The following RSF1 variants were observed in gnomAD, a reference collection of about 807,000 sequenced individuals.
RSF1 encodes remodeling and spacing factor 1.
In RSF1, 13 loss-of-function variants were observed where a neutral mutation model predicts 145.2. The observed-to-expected ratio is 0.09, with a 90% CI of 0.06 to 0.14. The LOEUF is 0.14. Among genes scored for constraint, RSF1 ranks in the 10% least tolerant of loss-of-function variants. RSF1 has a pLI of 1.00. For synonymous variants in RSF1, 577 were observed against 592.6 expected (o/e 0.97, Z 0.38); for missense variants, 1,517 against 1,718.2 (o/e 0.88, Z 2.07).
At chr11:77,735,124 T>C in intron 4 of RSF1, 1 of 744,658 alleles carries the variant, frequency 1.3e-6, no homozygotes, top group Non-Finnish European at 2.4e-6. Flanking sequence ...CGTGAAGAGG[T>C]GAGGGAGGGC....
At chr11:77,794,482 A>G (rs1442811657) in intron 1 of RSF1, among the ~76,000 whole-genome samples, 1 of 152,176 alleles carries the variant, frequency 6.6e-6, no homozygotes, top group African/African-American at 2.4e-5. Flanking sequence ...CAGGAGTTCA[A>G]GACAAGCCCG....
At chr11:77,839,645 G>A in the RSF1 span, among the ~76,000 whole-genome samples, 5 of 152,248 alleles carry the variant, frequency 3.3e-5, no homozygotes, top group African/African-American at 1.2e-4. Context: ...AACCATAAAG[G>A]GGAACAAGAT....
chr11:77,671,496 G>A (rs1959548870), intron 15 of RSF1, among the ~76,000 whole-genome samples: 1 of 151,902 alleles, frequency 6.6e-6, no homozygotes, highest in South Asian at 2.1e-4. Context: ...ACAATTTTCT[G>A]AGACTTTTCT....
chr11:77,829,433 T>C, the RSF1 span, among the ~76,000 whole-genome samples: 26 of 152,222 alleles, frequency 1.7e-4, no homozygotes, highest in Non-Finnish European at 3.4e-4. Context: ...TGGAACAGAA[T>C]GGAGACTCAC....
At chr11:77,857,045 A>G in the RSF1 span, among the ~76,000 whole-genome samples, 1 of 152,238 alleles carries the variant, frequency 6.6e-6, no homozygotes, top group East Asian at 1.9e-4. Flanking sequence ...TTAATTCACT[A>G]TGAAGTAATA....
At chr11:77,677,382 G>A (rs1259196731) in intron 12 of RSF1, among the ~76,000 whole-genome samples, 1 of 152,170 alleles carries the variant, frequency 6.6e-6, no homozygotes. Context: ...CCTATGAGCA[G>A]TCACTCAAGA....
rs199916779 is a variant in RSF1 at position 77,701,185 on chromosome 11, T to C, written c.2044A>G (p.Asn682Asp). Residue 682 changes from asparagine to aspartate, a missense_variant, in exon 6 of 16, where the codon AAT (asparagine) becomes GAT (aspartate). Transcript: ENST00000308488. ...CCAGAGGTCTGGGCATTGTCCAGAT[T>C]ATCCATTTCTACCTTTGTGAACTCA... ...DSEFTKVEMD[N>D]LDNAQTSGIE... is the part of the protein sequence containing the mutation. 1.7e-4 allele frequency: 273 copies of C among 1,614,176 alleles called. No homozygotes were observed. The highest frequency in any genetic ancestry group is 2.1e-4 in the Non-Finnish European group (242 of 1,180,028).
chr11:77,725,056 G>C (rs1961021767), intron 5 of RSF1, among the ~76,000 whole-genome samples: 1 of 152,200 alleles, frequency 6.6e-6, no homozygotes, highest in Non-Finnish European at 1.5e-5. Context: ...AGCAGAATGA[G>C]AGATGCCAGG....
chr11:77,837,443 TTTTGTTTGTTTG>T, the RSF1 span, among the ~76,000 whole-genome samples: 1 of 150,234 alleles, frequency 6.7e-6, no homozygotes, highest in Admixed American at 6.7e-5. Flanking sequence ...TCCCTTTGGT[TTTTGTTTGTTTG>T]TTTGTTTGTT....
chr11:77,869,691 G>T, the RSF1 span: 2 of 1,592,524 alleles, frequency 1.3e-6, no homozygotes, highest in East Asian at 2.2e-5. Flanking sequence ...TTGAGAGCAG[G>T]TACCTGTCTA....
the RSF1 span, among the ~76,000 whole-genome samples, chr11:77,839,762 T>G: frequency 6.6e-6 from 1 of 151,896 alleles, no homozygotes; most frequent in Non-Finnish European, 1.5e-5. Flanking sequence ...AAGTGGGTGC[T>G]GAACAATGAG....
chr11:77,781,546 CCAAA>C (rs1394305372), intron 1 of RSF1, among the ~76,000 whole-genome samples: 2 of 152,148 alleles, frequency 1.3e-5, no homozygotes, highest in Admixed American at 1.3e-4. Context: ...TAAGAAACTC[CCAAA>C]CATTTTGCCA....
the RSF1 span, among the ~76,000 whole-genome samples, chr11:77,860,792 G>A: frequency 1.3e-5 from 2 of 152,174 alleles, no homozygotes; most frequent in Non-Finnish European, 2.9e-5. Flanking sequence ...TTAAGGTCCA[G>A]GACTGTAAAC....
At chr11:77,753,489 A>G (rs1389523291) in intron 2 of RSF1, among the ~76,000 whole-genome samples, 3 of 152,244 alleles carry the variant, frequency 2.0e-5, no homozygotes, top group African/African-American at 4.8e-5. Context: ...GAACTGGCTA[A>G]GGTGTGCAAA....
chr11:77,705,267 A>G (rs1378286837), intron 5 of RSF1, among the ~76,000 whole-genome samples: 2 of 152,234 alleles, frequency 1.3e-5, no homozygotes, highest in Non-Finnish European at 2.9e-5. Flanking sequence ...ATGAGTTTAA[A>G]AGGCATAAAA....
At chr11:77,707,802 T>G (rs2135862409) in intron 5 of RSF1, among the ~76,000 whole-genome samples, 1 of 152,244 alleles carries the variant, frequency 6.6e-6, no homozygotes, top group East Asian at 1.9e-4. Flanking sequence ...ATTAAAGAAT[T>G]TTTCAAAGAC....
intron 7 of RSF1, among the ~76,000 whole-genome samples, chr11:77,696,926 T>G (rs1321394201): frequency 6.6e-6 from 1 of 152,188 alleles, no homozygotes; most frequent in Non-Finnish European, 1.5e-5. Flanking sequence ...ATAATACATT[T>G]AGCTTCCAGA....
At chr11:77,819,758 T>C (rs1363777397) in intron 1 of RSF1, among the ~76,000 whole-genome samples, 1 of 151,844 alleles carries the variant, frequency 6.6e-6, no homozygotes, top group Non-Finnish European at 1.5e-5. Context: ...GATGCTCGCC[T>C]ATTATTTTGG....
At chr11:77,851,786 G>T in the RSF1 span, among the ~76,000 whole-genome samples, 1 of 152,214 alleles carries the variant, frequency 6.6e-6, no homozygotes, top group African/African-American at 2.4e-5. Context: ...GCAGATGCTG[G>T]TATCATGCTT....
Sources: gnomAD v4.1 joint callset for allele counts (sites outside exome capture counted in the v4.1 genomes callset) on GRCh38, gnomAD v4.1.1 for gene constraint, MANE v1.5 for transcripts, NCBI Gene and HGNC (gene_info 2026-07-23, HGNC 2026-07-21) for gene names.